Variants in KHSRP observed in about 807,000 individuals in gnomAD.
KHSRP encodes KH-type splicing regulatory protein, also known as far upstream element-binding protein 2.
A neutral mutation model predicts 94.9 loss-of-function variants in KHSRP; 13 were observed. The ratio of observed to expected loss-of-function variants is 0.14; its 90% confidence interval spans 0.09 to 0.22. The LOEUF is 0.22. Ranked by LOEUF, KHSRP falls within the 10% of genes least tolerant of loss-of-function variation. KHSRP has a pLI of 1.00. For synonymous variants in KHSRP, 495 were observed against 401.4 expected (o/e 1.23, Z -2.79); for missense variants, 710 against 1,010.0 (o/e 0.70, Z 4.03).
chr19:6,419,858 C>A (rs904748221), intron 6 of KHSRP, among the ~76,000 whole-genome samples: 2 of 152,238 alleles, frequency 1.3e-5, no homozygotes, highest in African/African-American at 4.8e-5. Context: ...CCACCTCAGT[C>A]CATACCCACC....
chr19:6,415,001 C>T lies in KHSRP; in HGVS notation c.*23G>A. ...CGTGGGGACTCCCGGAGACCTCCGG[C>T]CACACGGCCCCCGCTGCAGGCATCA... is the stretch of plus-strand genomic sequence containing the variant. On this transcript the variant is annotated 3_prime_UTR_variant, in exon 19 of 19. Coordinates refer to ENST00000600480, the MANE Select transcript of KHSRP (RefSeq NM_001366299.1). 1 of 1,449,872 alleles carries T rather than the reference C, an allele frequency of 6.9e-7. No individual in the cohort carries two copies. Among genetic ancestry groups the T allele is most frequent in the South Asian group, 1.4e-5 (1 of 69,152 alleles). 89.8% of individuals were successfully genotyped at this position (1,449,872 alleles called of 1,614,324 possible). A position where few individuals can be genotyped will look rare whatever the true frequency, so the allele number is the denominator to read the frequency against.
chr19:6,419,993 G>A (rs1357663925), intron 6 of KHSRP, 80 bp downstream of exon 6: 18 of 1,108,202 alleles, frequency 1.6e-5, no homozygotes, highest in East Asian at 4.9e-5. Flanking sequence ...CACAGTCCCC[G>A]TGGAAATTAA....
Position 6,415,682 on chromosome 19 carries a change from G to A in KHSRP, c.1740C>T (p.Tyr580=). The part of the protein sequence containing the change: ...ADPNAAWAAY[Y]SHYYQQPPGP... ...CCGGGGGCTGCTGGTAGTAGTGTGAGTAGTAGGCGGCCCACGCGGCGTTGG... is the reference window on the plus strand; with the variant it reads ...CCGGGGGCTGCTGGTAGTAGTGTGAATAGTAGGCGGCCCACGCGGCGTTGG... Residue 580 remains tyrosine, a synonymous_variant, in exon 17 of 19, where the codon TAC becomes TAT. Coordinates refer to ENST00000600480, the MANE Select transcript of KHSRP (RefSeq NM_001366299.1). The A allele has an allele frequency of 1.3e-6, 2 of 1,547,328 alleles. No individual in the cohort carries two copies. Among genetic ancestry groups the A allele is most frequent in the Non-Finnish European group, 1.7e-6 (2 of 1,146,660 alleles).
chr19:6,418,940 GCCCA>G lies in KHSRP; in HGVS notation c.606-68_606-65del. The stretch of plus-strand genomic sequence containing the variant: ...GCTGGAGAAAGGTACTGGTCTGGTG[GCCCA>G]CCCAGCTCAAAGGGAAGGCGACCCC... On this transcript the variant is annotated intron_variant, in intron 7 of 18. Transcript: ENST00000600480. This position sits in a 1 kb window ranked among gnomAD's most constrained non-coding sequence, Gnocchi z 4.3. 1 of 1,458,106 alleles carries G rather than the reference GCCCA, an allele frequency of 6.9e-7. No individual in the cohort carries two copies. Among genetic ancestry groups the G allele is most frequent in the Non-Finnish European group, 9.1e-7 (1 of 1,103,938 alleles). 90.3% of individuals were successfully genotyped at this position (1,458,106 alleles called of 1,614,324 possible).
chr19:6,423,533 G>A (rs2092207844), intron 1 of KHSRP, among the ~76,000 whole-genome samples: 2 of 152,192 alleles, frequency 1.3e-5, no homozygotes. Flanking sequence ...CTCCCTTCAA[G>A]CTGTCCCAGA....
intron 11 of KHSRP, among the ~76,000 whole-genome samples, chr19:6,417,351 A>T (rs1185291236): frequency 4.6e-5 from 7 of 152,142 alleles, no homozygotes; most frequent in African/African-American, 1.7e-4. Context: ...CAGAACAATA[A>T]ATCTCTGAAA....
At position 6,417,729 on chromosome 19, in the gene KHSRP, A is replaced by G. The variant is rs1568342917; in HGVS notation, c.1081+10T>C. 3.1e-6 allele frequency: 5 copies of G among 1,610,192 alleles called. No homozygotes were observed. The highest frequency in any genetic ancestry group is 4.2e-6 in the Non-Finnish European group (5 of 1,176,742). On this transcript the variant is annotated intron_variant, in intron 11 of 18. Coordinates refer to ENST00000600480, the MANE Select transcript of KHSRP (RefSeq NM_001366299.1). ...GCACTGGCCAGGGGCAGGGTGGGCC[A>G]GGCCCTGACCTTGCTTGAACTGTAT...
At chr19:6,421,831 C>T (rs1005077658) in intron 2 of KHSRP, 143 bp from the exon 3 acceptor site, 1 of 938,738 alleles carries the variant, frequency 1.1e-6, no homozygotes, top group African/African-American at 1.6e-5. Context: ...CCAGGAGAGA[C>T]TGGCCCCTGA....
intron 4 of KHSRP, 83 bp from the exon 5 acceptor site, chr19:6,420,554 G>A: frequency 8.0e-7 from 1 of 1,245,236 alleles, no homozygotes; most frequent in Non-Finnish European, 1.2e-6. Flanking sequence ...TGAAGCCAAG[G>A]CCACCATAGG....
Position 6,418,891 on chromosome 19 carries a change from AG to A in KHSRP, c.606-16del. ...TCTTGGCTTTCCTGGGAAGGGGAGG[AG>A]CGGGGGATGAGCGGGTGCCACCGCT... On this transcript the variant is annotated splice_polypyrimidine_tract_variant and intron_variant, in intron 7 of 18. Transcript: ENST00000600480. This position sits in a 1 kb window ranked among gnomAD's most constrained non-coding sequence, Gnocchi z 4.3. 6.5e-7 allele frequency: 1 copy of A among 1,533,922 alleles called. No homozygotes were observed. The highest frequency in any genetic ancestry group is 1.3e-5 in the South Asian group (1 of 79,024).
Position 6,418,802 on chromosome 19 carries a change from G to C in KHSRP, c.680C>G (p.Ala227Gly). The C allele has an allele frequency of 2.5e-6, 4 of 1,596,792 alleles. No homozygotes were observed. Among genetic ancestry groups the C allele is most frequent in the Non-Finnish European group, 3.4e-6 (4 of 1,174,826 alleles). Residue 227 changes from alanine to glycine, a missense_variant, in exon 8 of 19, where the codon GCC (alanine) becomes GGC (glycine). Ala to Gly is a moderately conservative substitution (Grantham distance 60). Coordinates refer to ENST00000600480, the MANE Select transcript of KHSRP (RefSeq NM_001366299.1). This position sits in a 1 kb window ranked among gnomAD's most constrained non-coding sequence, Gnocchi z 4.3. ...CACGGTGCCGTTCTGGCCCCCGTTG[G>C]CGTTGTCGTGGAACTGTCCTGGGGG... is the stretch of plus-strand genomic sequence containing the variant. ...GGPPGQFHDNANGGQNGTVQE... is the reference protein window; with the variant it reads ...GGPPGQFHDNGNGGQNGTVQE...
Position 6,414,168 on chromosome 19 carries a change from G to GT in KHSRP, c.*855dup. The GT allele has an allele frequency of 6.3e-7, 1 of 1,591,878 alleles. No individual in the cohort carries two copies. Among genetic ancestry groups the GT allele is most frequent in the Non-Finnish European group, 8.6e-7 (1 of 1,165,480 alleles). ...AATTGGTCACTACGGGGAGGGAAGG[G>GT]TGGGAGACTAGGGGGCGGAAGAGAG... On this transcript the variant is annotated 3_prime_UTR_variant, in exon 19 of 19. Transcript: ENST00000600480.
In KHSRP at chr19:6,413,786, T is replaced by C. The variant is rs533246756; in HGVS notation, c.*1238A>G. 6.4e-6 allele frequency: 1 copy of C among 155,736 alleles called. No homozygotes were observed. The highest frequency in any genetic ancestry group is 2.1e-4 in the South Asian group (1 of 4,864). The allele number at this position is 155,736 out of a possible 1,614,324, so 9.6% of individuals were successfully genotyped here. On this transcript the variant is annotated 3_prime_UTR_variant, in exon 19 of 19. Coordinates refer to ENST00000600480, the MANE Select transcript of KHSRP (RefSeq NM_001366299.1). ...TTTTTAATATATATATATATAATTT[T>C]ATAAGTTCTGCTTTGCTCTTTGTGT...
Position 6,414,815 on chromosome 19 carries a change from G to T in KHSRP, c.*209C>A. 1.6e-6 allele frequency: 2 copies of T among 1,212,358 alleles called. No individual in the cohort carries two copies. The highest frequency in any genetic ancestry group is 2.1e-6 in the Non-Finnish European group (2 of 972,222). 75.1% of individuals were successfully genotyped at this position (1,212,358 alleles called of 1,614,324 possible). On this transcript the variant is annotated 3_prime_UTR_variant, in exon 19 of 19. Transcript: ENST00000600480. Reference sequence around the variant, plus strand: ...GCGGCCGGGCCGGTGCCCACCGTCCGCGCTGTCTGCCTGCCCCCCGACTCC... The same window carrying T: ...GCGGCCGGGCCGGTGCCCACCGTCCTCGCTGTCTGCCTGCCCCCCGACTCC...
rs1414953443 is a variant in KHSRP at position 6,424,677 on chromosome 19, G to T, written c.25C>A (p.Pro9Thr). The change falls in exon 1 of 19, where the codon CCC (proline) becomes ACC (threonine). Residue 9 changes from proline to threonine, a missense_variant. By Grantham distance (38) the Pro-to-Thr change is conservative (BLOSUM62 -1). Coordinates refer to ENST00000600480, the MANE Select transcript of KHSRP (RefSeq NM_001366299.1). The stretch of plus-strand genomic sequence containing the variant: ...GCGGGCGGCGGCGGCCCGGGCGGGG[G>T]TCCTCCCGTGCTGTAGTCCGACATG... MSDYSTGG[P>T]PPGPPPPAGG... 9.7e-7 allele frequency: 1 copy of T among 1,027,470 alleles called. No individual in the cohort carries two copies. The allele number at this position is 1,027,470 out of a possible 1,614,324, so 63.6% of individuals were successfully genotyped here. A position where few individuals can be genotyped will look rare whatever the true frequency, so the allele number is the denominator to read the frequency against.
chr19:6,416,673 G>A (rs562024831), intron 13 of KHSRP, 23 bp from the exon 14 acceptor site: 1 of 1,613,796 alleles, frequency 6.2e-7, no homozygotes, highest in Non-Finnish European at 8.5e-7. Context: ...AGAAGGTGAA[G>A]GTGGCCTGCA....
Position 6,418,315 on chromosome 19 carries a change from G to A in KHSRP, c.879+168C>T, listed in dbSNP as rs2092168633. Among the ~76,000 whole-genome samples, 1 of 152,134 alleles carries A rather than the reference G, an allele frequency of 6.6e-6. No individual in the cohort carries two copies. The highest frequency in any genetic ancestry group is 1.5e-5 in the Non-Finnish European group (1 of 68,016). Reference sequence around the variant, plus strand: ...CCGGTGCCTCACACACACAAAGCTGGGAGTCAGTTCAGGGCCATCCTACGA... The same window carrying A: ...CCGGTGCCTCACACACACAAAGCTGAGAGTCAGTTCAGGGCCATCCTACGA... On this transcript the variant is annotated intron_variant, in intron 9 of 18. Coordinates refer to ENST00000600480, the MANE Select transcript of KHSRP (RefSeq NM_001366299.1). This position sits in a 1 kb window ranked among gnomAD's most constrained non-coding sequence, Gnocchi z 4.3.
In KHSRP at chr19:6,424,627, GCCTCCGGCTCCCCCGCCC is replaced by G. The variant is rs1372551813; in HGVS notation, c.57_74del (p.Gly20_Gly25del). 15 of 975,286 alleles carry G rather than the reference GCCTCCGGCTCCCCCGCCC, an allele frequency of 1.5e-5. No homozygotes were observed. Among genetic ancestry groups the G allele is most frequent in the African/African-American group, 1.8e-5 (1 of 55,120 alleles). The allele number at this position is 975,286 out of a possible 1,614,324, so 60.4% of individuals were successfully genotyped here. On this transcript the variant is annotated inframe_deletion, in exon 1 of 19. Coordinates refer to ENST00000600480, the MANE Select transcript of KHSRP (RefSeq NM_001366299.1). ...GGCCCGGCGGAGGGCCTCCCCCGGC[GCCTCCGGCTCCCCCGCCC>G]CCGCCGGCGGGCGGCGGCGGCCCGG...
Position 6,413,980 on chromosome 19 carries a change from TGCCGCGAG to T in KHSRP, c.*1036_*1043del. The stretch of plus-strand genomic sequence containing the variant: ...GCCCCCAAGTCCCCCCCACCCTGCT[TGCCGCGAG>T]GGCTCCCCAGTACTCCCCACGGCAG... On this transcript the variant is annotated 3_prime_UTR_variant, in exon 19 of 19. Transcript: ENST00000600480. 1 of 1,090,052 alleles carries T rather than the reference TGCCGCGAG, an allele frequency of 9.2e-7. No individual in the cohort carries two copies. Among genetic ancestry groups the T allele is most frequent in the Non-Finnish European group, 1.3e-6 (1 of 786,806 alleles). The allele number at this position is 1,090,052 out of a possible 1,614,324, so 67.5% of individuals were successfully genotyped here.
Sources: allele counts gnomAD v4.1 joint callset (sites outside exome capture counted in the v4.1 genomes callset), GRCh38; gene constraint gnomAD v4.1.1; non-coding constraint Gnocchi (gnomAD v3.1); transcripts MANE v1.5; gene names NCBI Gene and HGNC (gene_info 2026-07-23, HGNC 2026-07-21).